Variants in KANK1 observed in about 807,000 individuals in gnomAD.
KANK1 encodes the protein KN motif and ankyrin repeat domains 1.
Under a neutral mutation model 106.2 loss-of-function variants are expected in KANK1, and 109 were observed. The observed-to-expected ratio is 1.03, with a 90% confidence interval of 0.88 to 1.20. The LOEUF (loss-of-function observed/expected upper bound fraction) is 1.20. KANK1 is among the 50% of genes most tolerant of loss of function. The pLI is 0.00. For missense variants in KANK1, 2,399 were observed against 1,710.7 expected (o/e 1.40, Z -7.10); for synonymous variants, 873 against 652.2 (o/e 1.34, Z -5.16).
intron 1 of KANK1, among the ~76,000 whole-genome samples, chr9:625,363 A>G (rs753696364): frequency 7.9e-5 from 12 of 152,224 alleles, no homozygotes; most frequent in Non-Finnish European, 1.0e-4. Flanking sequence ...TGAGTCCAAC[A>G]AAAATACTGG....
chr9:624,882 T>C (rs142364937), intron 1 of KANK1, among the ~76,000 whole-genome samples: 1 of 152,310 alleles, frequency 6.6e-6, no homozygotes, highest in East Asian at 1.9e-4. Context: ...AGAGCCCATC[T>C]CTGAGGAAAA....
At chr9:654,516 A>G (rs1314335516) in intron 1 of KANK1, among the ~76,000 whole-genome samples, 1 of 152,136 alleles carries the variant, frequency 6.6e-6, no homozygotes, top group African/African-American at 2.4e-5. Flanking sequence ...TCACAGGACA[A>G]TAGAATTTTT....
intron 1 of KANK1, among the ~76,000 whole-genome samples, chr9:601,188 G>T (rs1256248077): frequency 6.6e-6 from 1 of 151,746 alleles, no homozygotes; most frequent in Admixed American, 6.6e-5. Context: ...CCTTCACTCA[G>T]TTTCTCCTAA....
intron 1 of KANK1, among the ~76,000 whole-genome samples, chr9:662,683 A>G (rs1447310660): frequency 1.2e-5 from 1 of 85,230 alleles, no homozygotes; most frequent in African/African-American, 7.4e-5. Flanking sequence ...TTTTTTTGAG[A>G]CAGGGTCTTG....
At chr9:527,643 A>G (rs1159702934) in intron 1 of KANK1, among the ~76,000 whole-genome samples, 1 of 151,072 alleles carries the variant, frequency 6.6e-6, no homozygotes, top group East Asian at 1.9e-4. Context: ...CAGCTTCTGC[A>G]CAAGGTTACA....
chr9:608,230 G>T (rs569965289), intron 1 of KANK1, among the ~76,000 whole-genome samples: 2 of 150,228 alleles, frequency 1.3e-5, no homozygotes, highest in South Asian at 4.2e-4. Context: ...GTAGAGACGG[G>T]GTTTCACCTT....
chr9:530,347 G>T (rs1483650149), intron 1 of KANK1, among the ~76,000 whole-genome samples: 1 of 152,046 alleles, frequency 6.6e-6, no homozygotes, highest in Non-Finnish European at 1.5e-5. Context: ...TGGTACTTTT[G>T]TAGTTTCAAT....
chr9:639,794 G>A (rs1348502012), intron 1 of KANK1, among the ~76,000 whole-genome samples: 1 of 152,182 alleles, frequency 6.6e-6, no homozygotes, highest in Non-Finnish European at 1.5e-5. Context: ...GGAATTCCAA[G>A]ATCAAGATGA....
Position 610,623 on chromosome 9 carries a change from C to G in KANK1, c.-83-66267C>G, listed in dbSNP as rs566438693. 1.4e-4 allele frequency among the ~76,000 whole-genome samples: 22 copies of G among 152,308 alleles called. No homozygotes were observed. In the East Asian group the frequency reaches 3.9e-3, roughly 27 times the overall value. ...CCCCTTGACTCTGATCAAGACATGGCTACAACCTGCAGTTTCCAGCTTTCC... is the reference window on the plus strand; with the variant it reads ...CCCCTTGACTCTGATCAAGACATGGGTACAACCTGCAGTTTCCAGCTTTCC... On this transcript the variant is annotated intron_variant, in intron 1 of 11. Transcript: ENST00000382297.
chr9:731,365 G>C lies in KANK1; in HGVS notation c.3005+99G>C. ...GCGCCTAGTCGGGGAAGCGGCCACAGCGCAGTGATGAAAGATTCCCTCCTC... is the reference window on the plus strand; with the variant it reads ...GCGCCTAGTCGGGGAAGCGGCCACACCGCAGTGATGAAAGATTCCCTCCTC... On this transcript the variant is annotated intron_variant, in intron 5 of 11. Coordinates refer to ENST00000382297, the MANE Select transcript of KANK1 (RefSeq NM_015158.5). The C allele has an allele frequency of 6.3e-6, 4 of 639,578 alleles. No individual in the cohort carries two copies. The Admixed American group carries it at 1.2e-4, about 19-fold the overall frequency. The allele number at this position is 639,578 out of a possible 1,614,324, so 39.6% of individuals were successfully genotyped here.
chr9:588,728 G>C (rs904291939), intron 1 of KANK1, among the ~76,000 whole-genome samples: 1 of 152,102 alleles, frequency 6.6e-6, no homozygotes, highest in African/African-American at 2.4e-5. Context: ...AACAGAATCG[G>C]ATAGGGCACG....
chr9:690,635 A>G (rs891721804), intron 2 of KANK1, among the ~76,000 whole-genome samples: 3 of 152,184 alleles, frequency 2.0e-5, no homozygotes, highest in African/African-American at 4.8e-5. Context: ...GGAAATAGGC[A>G]TCTTGACCTG....
chr9:540,436 C>G (rs549884534), intron 1 of KANK1: 22 of 152,210 alleles, frequency 1.4e-4, no homozygotes, highest in African/African-American at 5.3e-4. Context: ...ATTTGGTTTG[C>G]TGGTATTATA....
At position 711,928 on chromosome 9, in the gene KANK1, GCCT is replaced by G; in HGVS notation, c.1167_1169del (p.Ser390del). 1 of 1,614,156 alleles carries G rather than the reference GCCT, an allele frequency of 6.2e-7. No homozygotes were observed. The highest frequency in any genetic ancestry group is 8.5e-7 in the Non-Finnish European group (1 of 1,180,030). ...GAAGATCCAGGACAGCAGCTGTGAG[GCCT>G]CCTCAGAGCTCAGGGAGAATGGAGA... is the stretch of plus-strand genomic sequence containing the variant. On this transcript the variant is annotated inframe_deletion, in exon 3 of 12. Transcript: ENST00000382297.
rs960991501 is a variant in KANK1, at chr9:592,028, G to A, written c.-83-84862G>A. 2.0e-5 allele frequency among the ~76,000 whole-genome samples: 3 copies of A among 151,874 alleles called. No homozygotes were observed. In the South Asian group the frequency reaches 6.2e-4, roughly 32 times the overall value. On this transcript the variant is annotated intron_variant, in intron 1 of 11. Coordinates refer to ENST00000382297, the MANE Select transcript of KANK1 (RefSeq NM_015158.5). ...TCCAGCCTGTAACACCATAGGGGCA[G>A]GGACCTTGTCTGTGTTGACCACAGC... is the stretch of plus-strand genomic sequence containing the variant.
chr9:484,862 A>G (rs1293734818), intron 3 of KANK1, among the ~76,000 whole-genome samples: 1 of 152,096 alleles, frequency 6.6e-6, no homozygotes, highest in Non-Finnish European at 1.5e-5. Context: ...GTTTCCAAGA[A>G]TAAGAATCCA....
At chr9:514,025 G>C (rs1225495741) in intron 1 of KANK1, among the ~76,000 whole-genome samples, 1 of 151,268 alleles carries the variant, frequency 6.6e-6, no homozygotes, top group Non-Finnish European at 1.5e-5. Context: ...TCGAACAAAA[G>C]TTGAAATGAA....
chr9:567,144 G>C (rs1055029093), intron 1 of KANK1, among the ~76,000 whole-genome samples: 44 of 152,184 alleles, frequency 2.9e-4, no homozygotes, highest in African/African-American at 1.0e-3. Flanking sequence ...TCAAAGATCA[G>C]ATAGTTGTAG....
intron 1 of KANK1, among the ~76,000 whole-genome samples, chr9:605,139 A>G (rs1379656901): frequency 6.6e-6 from 1 of 151,400 alleles, no homozygotes; most frequent in East Asian, 1.9e-4. Context: ...TGTCTCTACT[A>G]AAAATAGAAA....
Sources: allele counts gnomAD v4.1 joint callset (sites outside exome capture counted in the v4.1 genomes callset), GRCh38; gene constraint gnomAD v4.1.1; transcripts MANE v1.5; gene names NCBI Gene and HGNC (gene_info 2026-07-23, HGNC 2026-07-21).